ATP2C2: variants seen among roughly 807,000 people sequenced by gnomAD.
ATP2C2 encodes the protein ATPase secretory pathway Ca2+ transporting 2.
ATP2C2 carries 171 observed loss-of-function variants against 110.8 expected under a neutral mutation model. The ratio of observed to expected loss-of-function variants is 1.54; its 90% CI spans 1.36 to 1.75. The LOEUF is 1.75. ATP2C2 is among the 40% of genes most tolerant of loss of function. The pLI is 0.00. For synonymous variants in ATP2C2, 804 were observed against 508.4 expected (o/e 1.58, Z -7.82); for missense variants, 1,963 against 1,235.0 (o/e 1.59, Z -8.84).
chr16:84,423,307 G>A, intron 10 of ATP2C2, 44 bp downstream of exon 10: 2 of 1,566,402 alleles, frequency 1.3e-6, no homozygotes, highest in Non-Finnish European at 1.8e-6. Context: ...TGCAGATGGA[G>A]GGGAGCCATC....
Position 84,446,413 on chromosome 16 carries a change from T to G in ATP2C2, c.1486T>G (p.Cys496Gly), listed in dbSNP as rs756866103. Reference protein sequence around the residue: ...SSEQKWMAVKCSLKTEDQEDI... With the variant: ...SSEQKWMAVKGSLKTEDQEDI... ...AGAGCAGAAGTGGATGGCGGTGAAA[T>G]GCAGTCTGAAGACTGAGGTGAGACC... The change falls in exon 16 of 27, where the codon TGC becomes GGC. Residue 496 changes from cysteine (C) to glycine (G), a missense_variant. Coordinates refer to ENST00000262429, the MANE Select transcript of ATP2C2 (RefSeq NM_014861.4). The G allele has an allele frequency of 1.2e-6, 2 of 1,604,710 alleles. No homozygotes were observed. The highest frequency in any genetic ancestry group is 3.4e-5 in the Admixed American group (2 of 58,392).
chr16:84,416,143 T>C lies in ATP2C2; in HGVS notation c.624+552T>C, dbSNP rs557981284. ...GAGCCGAGACCACGCCACTGCACTC[T>C]AGCCTGGGCAACAGAGCGAGAAGCA... On this transcript the variant is annotated intron_variant, in intron 7 of 26. Transcript: ENST00000262429. 7.9e-5 allele frequency among the ~76,000 whole-genome samples: 12 copies of C among 152,300 alleles called. No homozygotes were observed. The South Asian group carries it at 1.7e-3, about 21-fold the overall frequency.
chr16:84,400,413 G>A (rs1426485767), intron 2 of ATP2C2, among the ~76,000 whole-genome samples: 5 of 150,344 alleles, frequency 3.3e-5, no homozygotes, highest in African/African-American at 9.9e-5. Context: ...TGCAAGCTCC[G>A]CCTCCTGGGT....
intron 2 of ATP2C2, among the ~76,000 whole-genome samples, chr16:84,401,015 G>T (rs975836989): frequency 5.9e-5 from 9 of 152,074 alleles, no homozygotes; most frequent in Non-Finnish European, 1.2e-4. Context: ...CCATTCTGTG[G>T]GTTGTCTCTT....
At chr16:84,404,730 C>G (rs951993661) in intron 2 of ATP2C2, 1 of 353,960 alleles carries the variant, frequency 2.8e-6, no homozygotes, top group Non-Finnish European at 5.5e-6. Flanking sequence ...ATTGCTGGAT[C>G]TGGTAGCTCC....
rs1330281373 is a variant in ATP2C2 at position 84,461,703 on chromosome 16, T to G, written c.2482-11T>G. 3 of 1,612,336 alleles carry G rather than the reference T, an allele frequency of 1.9e-6. No individual in the cohort carries two copies. The highest frequency in any genetic ancestry group is 2.5e-6 in the Non-Finnish European group (3 of 1,178,312). On this transcript the variant is annotated splice_polypyrimidine_tract_variant and intron_variant, in intron 24 of 26. Coordinates refer to ENST00000262429, the MANE Select transcript of ATP2C2 (RefSeq NM_014861.4). ...CCCGCCTAACCTCTCACCTTTGTGC[T>G]CACCTTCCAGATGCCTGAAGACAGA... is the stretch of plus-strand genomic sequence containing the variant.
chr16:84,372,247 C>T (rs1244522468), intron 1 of ATP2C2, among the ~76,000 whole-genome samples: 1 of 152,182 alleles, frequency 6.6e-6, no homozygotes, highest in South Asian at 2.1e-4. Flanking sequence ...TGTGATAAAA[C>T]AGGCACAGTC....
intron 26 of ATP2C2, 88 bp downstream of exon 26, chr16:84,462,217 G>T (rs1459920302): frequency 6.5e-7 from 1 of 1,528,244 alleles, no homozygotes; most frequent in Admixed American, 1.9e-5. Flanking sequence ...AGCCCAGGAG[G>T]GGTCAGTGCG....
At chr16:84,412,223 T>C (rs138750029) in intron 6 of ATP2C2, among the ~76,000 whole-genome samples, 63 of 152,298 alleles carry the variant, frequency 4.1e-4, no homozygotes, top group African/African-American at 1.5e-3. Context: ...ACTGCATTTT[T>C]TGCATTTTTA....
chr16:84,462,494 T>G, intron 26 of ATP2C2: 1 of 196,526 alleles, frequency 5.1e-6, no homozygotes, highest in Non-Finnish European at 1.0e-5. Flanking sequence ...GACTTGACCC[T>G]GGGGCCAGTA....
chr16:84,451,883 C>G, intron 17 of ATP2C2, 38 bp from the exon 18 acceptor site: 1 of 1,576,308 alleles, frequency 6.3e-7, no homozygotes, highest in Non-Finnish European at 8.6e-7. Context: ...GGCCCCTAAG[C>G]CCCCGGTGAC....
intron 11 of ATP2C2, among the ~76,000 whole-genome samples, chr16:84,432,693 G>T (rs750475188): frequency 9.2e-5 from 14 of 151,960 alleles, no homozygotes; most frequent in Non-Finnish European, 1.5e-4. Context: ...GCTAATTTTT[G>T]TATTTTTAAT....
intron 11 of ATP2C2, among the ~76,000 whole-genome samples, chr16:84,437,249 A>G (rs1320720388): frequency 6.6e-6 from 1 of 152,056 alleles, no homozygotes; most frequent in Non-Finnish European, 1.5e-5. Flanking sequence ...GCACAGTGAC[A>G]TGATCATGGC....
intron 17 of ATP2C2, among the ~76,000 whole-genome samples, 182 bp downstream of exon 17, chr16:84,448,871 T>C (rs1910004583): frequency 6.6e-6 from 1 of 152,174 alleles, no homozygotes; most frequent in Admixed American, 6.5e-5. Context: ...GGTCCCCACC[T>C]CATCCCAGTT....
chr16:84,459,108 CTT>C lies in ATP2C2; in HGVS notation c.2148-11_2148-10del, dbSNP rs1248419723. On this transcript the variant is annotated splice_polypyrimidine_tract_variant and intron_variant, in intron 21 of 26. Transcript: ENST00000262429. ...GCCCGCTCCGTGAGTAAATGGCTCT[CTT>C]CTCTTGCAGGAATGCAGTGGAGGAA... 6.2e-7 allele frequency: 1 copy of C among 1,614,092 alleles called. No homozygotes were observed. The highest frequency in any genetic ancestry group is 8.5e-7 in the Non-Finnish European group (1 of 1,180,018).
rs189464084 is a variant in ATP2C2 at position 84,425,922 on chromosome 16, G to A, written c.986+121G>A. 2.4e-4 allele frequency: 295 copies of A among 1,239,600 alleles called. 1 individual carries two copies. In the Admixed American group the frequency reaches 3.2e-3, roughly 13 times the overall value. The allele number at this position is 1,239,600 out of a possible 1,614,324, so 76.8% of individuals were successfully genotyped here. On this transcript the variant is annotated intron_variant, in intron 11 of 26. Coordinates refer to ENST00000262429, the MANE Select transcript of ATP2C2 (RefSeq NM_014861.4). ...GGAAGGGTTGGGAAGGTGCAGCCCCGTCACCCAAACTCCAGCCTCCCAATA... is the reference window on the plus strand; with the variant it reads ...GGAAGGGTTGGGAAGGTGCAGCCCCATCACCCAAACTCCAGCCTCCCAATA...
intron 20 of ATP2C2, 105 bp downstream of exon 20, chr16:84,453,476 C>A: frequency 1.4e-6 from 2 of 1,451,850 alleles, no homozygotes; most frequent in Non-Finnish European, 1.9e-6. Context: ...AGGGCCCGAC[C>A]GTGGCTTCCT....
rs563272803 is a variant in ATP2C2, at chr16:84,448,453, C to G, written c.1504-80C>G. On this transcript the variant is annotated intron_variant, in intron 16 of 26. Coordinates refer to ENST00000262429, the MANE Select transcript of ATP2C2 (RefSeq NM_014861.4). Reference sequence around the variant, plus strand: ...AAGATCCCCGTGTGTGTCTTTGTAACCTTGTGCAGAGTGGGGTGATGGTCA... The same window carrying G: ...AAGATCCCCGTGTGTGTCTTTGTAAGCTTGTGCAGAGTGGGGTGATGGTCA... The G allele has an allele frequency of 2.7e-6, 4 of 1,483,004 alleles. No individual in the cohort carries two copies. In the African/African-American group the frequency reaches 4.2e-5, roughly 16 times the overall value. 91.9% of individuals were successfully genotyped at this position (1,483,004 alleles called of 1,614,324 possible).
chr16:84,438,233 T>C (rs1431632592), intron 11 of ATP2C2, among the ~76,000 whole-genome samples: 1 of 152,244 alleles, frequency 6.6e-6, no homozygotes, highest in East Asian at 1.9e-4. Context: ...AGTGAACACC[T>C]GTGTAGCCAC....
Sources: gnomAD v4.1 joint callset for allele counts (sites outside exome capture counted in the v4.1 genomes callset) on GRCh38, gnomAD v4.1.1 for gene constraint, MANE v1.5 for transcripts, NCBI Gene and HGNC (gene_info 2026-07-23, HGNC 2026-07-21) for gene names.